SLC35D4: variants seen among roughly 807,000 people sequenced by gnomAD.
SLC35D4 encodes solute carrier family 35 member D4.
chr18:23,338,978 C>T, the SLC35D4 span, among the ~76,000 whole-genome samples: 2 of 152,136 alleles, frequency 1.3e-5, no homozygotes, highest in African/African-American at 4.8e-5. Context: ...AAACTCCTGG[C>T]TCAAGCAATC....
At chr18:23,292,635 G>C in the SLC35D4 span, among the ~76,000 whole-genome samples, 1 of 152,134 alleles carries the variant, frequency 6.6e-6, no homozygotes, top group Non-Finnish European at 1.5e-5. Flanking sequence ...CTTCTCAACA[G>C]AACTCTCTAG....
the SLC35D4 span, among the ~76,000 whole-genome samples, chr18:23,283,881 C>T: frequency 2.1e-4 from 32 of 151,868 alleles, no homozygotes; most frequent in African/African-American, 7.5e-4. Context: ...GGCTGCTCAA[C>T]TGAGTATACT....
the SLC35D4 span, among the ~76,000 whole-genome samples, chr18:23,345,170 G>A: frequency 6.6e-6 from 1 of 151,928 alleles, no homozygotes; most frequent in Non-Finnish European, 1.5e-5. Context: ...ATATCTGATT[G>A]CTCCAACACC....
At chr18:23,360,380 G>A in the SLC35D4 span, among the ~76,000 whole-genome samples, 9 of 152,186 alleles carry the variant, frequency 5.9e-5, no homozygotes, top group South Asian at 2.1e-4. Context: ...GAACAGCCCA[G>A]GTGAGCATCA....
chr18:23,291,772 C>T, the SLC35D4 span, among the ~76,000 whole-genome samples: 9 of 152,176 alleles, frequency 5.9e-5, no homozygotes, highest in Non-Finnish European at 1.0e-4. Context: ...ACAGGTAAGT[C>T]GCAGAGCCAG....
At chr18:23,377,541 C>T in the SLC35D4 span, 155 of 1,072,416 alleles carry the variant, frequency 1.4e-4, 2 homozygotes, top group East Asian at 1.9e-3. Flanking sequence ...ATAATAAATT[C>T]TTCTGCCACC....
chr18:23,259,683 A>T, the SLC35D4 span: 2 of 152,230 alleles, frequency 1.3e-5, no homozygotes, highest in Non-Finnish European at 2.9e-5. Context: ...AGGGTGAGAG[A>T]TGCAGGTCAC....
the SLC35D4 span, among the ~76,000 whole-genome samples, chr18:23,254,557 G>T: frequency 6.6e-6 from 1 of 152,180 alleles, no homozygotes; most frequent in Non-Finnish European, 1.5e-5. Context: ...ATCTTGGCTG[G>T]TGCTGCCATA....
At chr18:23,251,476 G>T in the SLC35D4 span, among the ~76,000 whole-genome samples, 5 of 152,082 alleles carry the variant, frequency 3.3e-5, no homozygotes, top group African/African-American at 1.2e-4. Context: ...AGATTATGGC[G>T]TGTAGTCAGC....
chr18:23,241,307 G>C, the SLC35D4 span, among the ~76,000 whole-genome samples: 2 of 151,992 alleles, frequency 1.3e-5, no homozygotes, highest in Non-Finnish European at 2.9e-5. Context: ...AAGGTGGGGG[G>C]ATCACTTGAG....
the SLC35D4 span, among the ~76,000 whole-genome samples, chr18:23,397,828 G>A: frequency 6.6e-6 from 1 of 152,306 alleles, no homozygotes; most frequent in African/African-American, 2.4e-5. Context: ...TGAGGCGGCA[G>A]GATTGCTTGC....
At chr18:23,432,842 A>G in the SLC35D4 span, among the ~76,000 whole-genome samples, 21 of 151,570 alleles carry the variant, frequency 1.4e-4, no homozygotes, top group African/African-American at 5.1e-4. Context: ...TTAGCCGGAC[A>G]TGGTTGTGCA....
At chr18:23,328,318 T>C in the SLC35D4 span, among the ~76,000 whole-genome samples, 1 of 152,118 alleles carries the variant, frequency 6.6e-6, no homozygotes, top group Non-Finnish European at 1.5e-5. Context: ...TTGTCTCAGC[T>C]CAAAATCTCC....
chr18:23,262,187 T>C, the SLC35D4 span, among the ~76,000 whole-genome samples: 7 of 152,242 alleles, frequency 4.6e-5, no homozygotes, highest in Non-Finnish European at 1.0e-4. Flanking sequence ...TGTTTTGACA[T>C]GTGTTTACCT....
the SLC35D4 span, among the ~76,000 whole-genome samples, chr18:23,379,990 G>A: frequency 6.6e-6 from 1 of 152,056 alleles, no homozygotes; most frequent in African/African-American, 2.4e-5. Flanking sequence ...TCAGCTACTC[G>A]GGAGGCTGAG....
the SLC35D4 span, chr18:23,252,914 C>T: frequency 1.1e-5 from 14 of 1,300,472 alleles, no homozygotes; most frequent in East Asian, 9.3e-5. Flanking sequence ...TTATTACATA[C>T]GACCCTTGTT....
the SLC35D4 span, among the ~76,000 whole-genome samples, chr18:23,366,523 G>GC: frequency 6.6e-6 from 1 of 152,216 alleles, no homozygotes; most frequent in Non-Finnish European, 1.5e-5. Flanking sequence ...CAGTGTCCTG[G>GC]CTTAAATTGG....
At chr18:23,368,539 G>T in the SLC35D4 span, among the ~76,000 whole-genome samples, 1 of 152,142 alleles carries the variant, frequency 6.6e-6, no homozygotes, top group African/African-American at 2.4e-5. Context: ...GGCCCCTCTT[G>T]CCTGGTCTAA....
At chr18:23,268,079 G>C in the SLC35D4 span, among the ~76,000 whole-genome samples, 1 of 152,184 alleles carries the variant, frequency 6.6e-6, no homozygotes, top group African/African-American at 2.4e-5. Flanking sequence ...TCCCAGAAAA[G>C]AGAGCAGGCC....
Sources: allele counts gnomAD v4.1 joint callset (sites outside exome capture counted in the v4.1 genomes callset), GRCh38; gene constraint gnomAD v4.1.1; transcripts MANE v1.5; gene names NCBI Gene and HGNC (gene_info 2026-07-23, HGNC 2026-07-21).